The following TMTC2 variants were observed in gnomAD, a reference collection of about 807,000 sequenced individuals.
TMTC2 encodes protein O-mannosyl-transferase TMTC2.
Under a neutral mutation model 82.4 loss-of-function variants are expected in TMTC2, and 43 were observed. The ratio of observed to expected loss-of-function variants is 0.52; its 90% confidence interval spans 0.41 to 0.67. The LOEUF is 0.67. Ranked by LOEUF, TMTC2 falls within the 30% of genes least tolerant of loss-of-function variation. The probability of loss-of-function intolerance (pLI) is 0.00; values close to 1 mark genes in which losing one functional copy is unlikely to be tolerated. For synonymous variants in TMTC2, 408 were observed against 381.9 expected (o/e 1.07, Z -0.80); for missense variants, 919 against 1,012.4 (o/e 0.91, Z 1.25).
At chr12:82,912,938 T>C (rs1471384475) in intron 3 of TMTC2, among the ~76,000 whole-genome samples, 1 of 29,480 alleles carries the variant, frequency 3.4e-5, no homozygotes, top group Non-Finnish European at 1.0e-4. Flanking sequence ...AGACCTTGTC[T>C]GAAAAAAAAA....
chr12:82,706,301 A>T (rs900807999), intron 1 of TMTC2, among the ~76,000 whole-genome samples: 4 of 144,664 alleles, frequency 2.8e-5, no homozygotes, highest in Non-Finnish European at 6.0e-5. Context: ...TGGACAACAG[A>T]CAACAAAGCA....
chr12:82,771,033 C>T (rs12305861), intron 1 of TMTC2, among the ~76,000 whole-genome samples: 25,254 of 151,768 alleles, frequency 0.17, 2,629 homozygotes, highest in African/African-American at 0.29. Flanking sequence ...ATGATGAAAC[C>T]CTGTCTCTAC....
intron 4 of TMTC2, among the ~76,000 whole-genome samples, chr12:82,964,763 GGGAAA>G: frequency 6.6e-6 from 1 of 152,210 alleles, no homozygotes; most frequent in Non-Finnish European, 1.5e-5. Context: ...GCTAGAAAAG[GGGAAA>G]GTTCAGTGGT....
At chr12:82,874,145 A>C (rs1439768591) in intron 2 of TMTC2, among the ~76,000 whole-genome samples, 1 of 152,192 alleles carries the variant, frequency 6.6e-6, no homozygotes, top group Non-Finnish European at 1.5e-5. Flanking sequence ...AAAATGTTAG[A>C]CATTTGAGAG....
intron 9 of TMTC2, among the ~76,000 whole-genome samples, chr12:83,031,844 A>G (rs1435934361): frequency 1.3e-5 from 2 of 152,120 alleles, no homozygotes; most frequent in Non-Finnish European, 2.9e-5. Context: ...TTTTTACTTT[A>G]TGTTATTGTG....
At chr12:83,112,132 T>C (rs377254035) in intron 11 of TMTC2, among the ~76,000 whole-genome samples, 2 of 152,302 alleles carry the variant, frequency 1.3e-5, no homozygotes, top group East Asian at 1.9e-4. Context: ...AGTGAGTTTC[T>C]TATTAAAATT....
chr12:82,781,339 T>C (rs1022915745), intron 1 of TMTC2, among the ~76,000 whole-genome samples: 1 of 151,408 alleles, frequency 6.6e-6, no homozygotes, highest in East Asian at 1.9e-4. Flanking sequence ...AGTCCTGTAG[T>C]ACATTTTAAG....
chr12:82,806,249 A>AT (rs143702571), intron 1 of TMTC2, among the ~76,000 whole-genome samples: 1 of 152,074 alleles, frequency 6.6e-6, no homozygotes, highest in Non-Finnish European at 1.5e-5. Context: ...CTCTGACAGC[A>AT]TTTTTTTAAG....
intron 8 of TMTC2, among the ~76,000 whole-genome samples, chr12:82,994,439 A>AT (rs34298780): frequency 0.23 from 34,881 of 151,970 alleles, 4,379 homozygotes; most frequent in African/African-American, 0.31. Flanking sequence ...CGTCTCACAC[A>AT]TTTATTGTTG....
chr12:82,958,379 A>C (rs1249354921), intron 4 of TMTC2, among the ~76,000 whole-genome samples: 1 of 98,952 alleles, frequency 1.0e-5, no homozygotes, highest in Non-Finnish European at 2.1e-5. Flanking sequence ...AACAAAAAAA[A>C]CAAAAAAACT....
At chr12:82,799,677 A>G (rs1261312439) in intron 1 of TMTC2, among the ~76,000 whole-genome samples, 1 of 151,890 alleles carries the variant, frequency 6.6e-6, no homozygotes, top group Non-Finnish European at 1.5e-5. Context: ...TTATACTCCA[A>G]TCTCAGCCTT....
chr12:83,044,615 CA>C (rs1882022928), intron 9 of TMTC2, among the ~76,000 whole-genome samples: 1 of 152,196 alleles, frequency 6.6e-6, no homozygotes, highest in South Asian at 2.1e-4. Flanking sequence ...AGAAAGGTAT[CA>C]CTAGAGTTCA....
At chr12:82,740,422 T>A (rs2136952446) in intron 1 of TMTC2, among the ~76,000 whole-genome samples, 1 of 152,290 alleles carries the variant, frequency 6.6e-6, no homozygotes, top group South Asian at 2.1e-4. Flanking sequence ...TCCTGGTCAT[T>A]TTTTCTTCCA....
chr12:82,954,322 A>G (rs759053070), intron 4 of TMTC2, among the ~76,000 whole-genome samples: 8 of 151,952 alleles, frequency 5.3e-5, no homozygotes, highest in Non-Finnish European at 1.2e-4. Flanking sequence ...TCTCTTGGGT[A>G]GGTGTTCCTT....
intron 1 of TMTC2, among the ~76,000 whole-genome samples, chr12:82,822,011 A>T (rs1267843413): frequency 6.6e-6 from 1 of 152,178 alleles, no homozygotes; most frequent in Non-Finnish European, 1.5e-5. Context: ...CTATCAAGTG[A>T]TGAGAAGACA....
intron 3 of TMTC2, among the ~76,000 whole-genome samples, chr12:82,899,821 G>T (rs1048996199): frequency 1.5e-5 from 2 of 135,748 alleles, no homozygotes; most frequent in African/African-American, 2.9e-5. Flanking sequence ...CCGGAATATA[G>T]ATATAGGAAT....
chr12:83,091,268 T>G (rs192622716), intron 11 of TMTC2, among the ~76,000 whole-genome samples: 286 of 152,306 alleles, frequency 1.9e-3, no homozygotes, highest in Non-Finnish European at 3.0e-3. Flanking sequence ...ACCCAAGATA[T>G]TATCACCATT....
chr12:82,842,672 A>T (rs1041816847), intron 1 of TMTC2, among the ~76,000 whole-genome samples: 8 of 152,292 alleles, frequency 5.3e-5, no homozygotes, highest in African/African-American at 1.9e-4. Flanking sequence ...TTATGTTCTC[A>T]CAGTTCTAGA....
rs149702435 is a variant in TMTC2, at chr12:82,745,624, C to A, written c.83+57955C>A. 1.6e-4 allele frequency among the ~76,000 whole-genome samples: 25 copies of A among 152,220 alleles called. No individual in the cohort carries two copies. In the East Asian group the frequency reaches 4.4e-3, roughly 27 times the overall value. ...AGAGCCTAGAGAAAACACCACTTAC[C>A]CTTTGGTAATGGACAAATAGATAAT... On this transcript the variant is annotated intron_variant, in intron 1 of 11. Coordinates refer to ENST00000321196, the MANE Select transcript of TMTC2 (RefSeq NM_152588.3).
Sources: gnomAD v4.1 joint callset for allele counts (sites outside exome capture counted in the v4.1 genomes callset) on GRCh38, gnomAD v4.1.1 for gene constraint, MANE v1.5 for transcripts, NCBI Gene and HGNC (gene_info 2026-07-23, HGNC 2026-07-21) for gene names.